INVS: variants seen among roughly 807,000 people sequenced by gnomAD.
INVS encodes the protein inversin.
Under a neutral mutation model 108.8 loss-of-function variants are expected in INVS, and 86 were observed. The ratio of observed to expected loss-of-function variants is 0.79; its 90% CI spans 0.66 to 0.95. INVS has a LOEUF of 0.95. Ranked by LOEUF, INVS falls within the 40% of genes least tolerant of loss-of-function variation. The pLI is 0.00. For synonymous variants in INVS, 455 were observed against 473.5 expected (o/e 0.96, Z 0.51); for missense variants, 1,169 against 1,297.4 (o/e 0.90, Z 1.52).
Position 100,216,358 on chromosome 9 carries a change from G to C in INVS, c.274-9704G>C, listed in dbSNP as rs573058819. ...CTCAGTCTCCTGGAGCTGTCATTGA[G>C]GTTGGACAGCTACTGCCCCCTACTG... On this transcript the variant is annotated intron_variant, in intron 3 of 16. Transcript: ENST00000262457. 7.2e-5 allele frequency among the ~76,000 whole-genome samples: 11 copies of C among 152,278 alleles called. No homozygotes were observed. In the South Asian group the frequency reaches 2.3e-3, roughly 32 times the overall value.
At position 100,270,933 on chromosome 9, in the gene INVS, G is replaced by GA. The variant is rs939991518; in HGVS notation, c.1572-1919dup. 3.6e-3 allele frequency among the ~76,000 whole-genome samples: 449 copies of GA among 123,254 alleles called. 2 individuals are homozygous for GA. The highest frequency in any genetic ancestry group is 0.011 in the African/African-American group (375 of 33,424). 80.9% of individuals were successfully genotyped at this position (123,254 alleles called of 152,430 possible). On this transcript the variant is annotated intron_variant, in intron 11 of 16. Coordinates refer to ENST00000262457, the MANE Select transcript of INVS (RefSeq NM_014425.5). ...AGTGAGACCCTATCTCAAAAAAAAA[G>GA]AAAAAAAAAAAAGAATGTGCCGAAA...
intron 2 of INVS, among the ~76,000 whole-genome samples, chr9:100,111,064 A>G (rs1827324378): frequency 6.6e-6 from 1 of 152,246 alleles, no homozygotes; most frequent in Non-Finnish European, 1.5e-5. Flanking sequence ...TTGTCACTCT[A>G]TAACAATAAG....
Position 100,159,575 on chromosome 9 carries a change from C to T in INVS, c.273+33026C>T, listed in dbSNP as rs984285288. ...CAATTACCTCCTATTTGCTAGAACA[C>T]ACTAACACAAATACATAAAAAATAC... On this transcript the variant is annotated intron_variant, in intron 3 of 16. Transcript: ENST00000262457. Among the ~76,000 whole-genome samples the T allele has an allele frequency of 3.3e-5, 5 of 152,118 alleles. No individual in the cohort carries two copies. In the South Asian group the frequency reaches 8.3e-4, roughly 25 times the overall value.
At chr9:100,142,672 T>A (rs1457162669) in intron 3 of INVS, among the ~76,000 whole-genome samples, 1 of 152,116 alleles carries the variant, frequency 6.6e-6, no homozygotes, top group Non-Finnish European at 1.5e-5. Context: ...GCATCAGGTA[T>A]GAGGAAGAAA....
chr9:100,292,639 C>T lies in INVS; in HGVS notation c.2382C>T (p.Arg794=). ...PKAKCAPQKR[R]TQELRGGRCS... is the part of the protein sequence containing the mutation. ...CCAAATGTGCCCCCCAGAAAAGGCG[C>T]ACTCAAGAGCTCAGAGGAGGAAGGT... Residue 794 remains arginine (R), a synonymous_variant, in exon 14 of 17, where the codon CGC becomes CGT. Coordinates refer to ENST00000262457, the MANE Select transcript of INVS (RefSeq NM_014425.5). 1 of 1,614,188 alleles carries T rather than the reference C, an allele frequency of 6.2e-7. No homozygotes were observed. Among genetic ancestry groups the T allele is most frequent in the Non-Finnish European group, 8.5e-7 (1 of 1,180,036 alleles).
At chr9:100,150,698 T>G (rs898879169) in intron 3 of INVS, among the ~76,000 whole-genome samples, 1 of 152,314 alleles carries the variant, frequency 6.6e-6, no homozygotes, top group African/African-American at 2.4e-5. Context: ...ACCCATAGTT[T>G]ATGACTCATA....
intron 3 of INVS, among the ~76,000 whole-genome samples, chr9:100,161,506 T>C (rs1419100483): frequency 6.6e-6 from 1 of 151,448 alleles, no homozygotes; most frequent in African/African-American, 2.4e-5. Flanking sequence ...TCACGAAAGG[T>C]AGGAAATTGA....
At chr9:100,178,251 A>G (rs1417629728) in intron 3 of INVS, among the ~76,000 whole-genome samples, 1 of 152,196 alleles carries the variant, frequency 6.6e-6, no homozygotes, top group Non-Finnish European at 1.5e-5. Context: ...CCTCACCAGC[A>G]AGGGAACAAA....
intron 3 of INVS, among the ~76,000 whole-genome samples, chr9:100,167,097 GGT>G (rs1411403160): frequency 6.6e-6 from 1 of 152,056 alleles, no homozygotes. Flanking sequence ...CAGATACGGT[GGT>G]GTGTGCCTGT....
At chr9:100,139,004 C>A (rs1828332233) in intron 3 of INVS, among the ~76,000 whole-genome samples, 2 of 152,084 alleles carry the variant, frequency 1.3e-5, no homozygotes, top group East Asian at 1.9e-4. Context: ...CCGCGCCCGG[C>A]CTTATTGATG....
At chr9:100,296,029 AGGAG>A (rs1360888517) in intron 14 of INVS, among the ~76,000 whole-genome samples, 1 of 152,146 alleles carries the variant, frequency 6.6e-6, no homozygotes, top group Non-Finnish European at 1.5e-5. Context: ...CCTTTGGGGA[AGGAG>A]GGAGGGGCTG....
chr9:100,202,601 A>G (rs995155346), intron 3 of INVS, among the ~76,000 whole-genome samples: 1 of 151,808 alleles, frequency 6.6e-6, no homozygotes, highest in African/African-American at 2.4e-5. Flanking sequence ...TTCTTTCCGC[A>G]TATCACTTGT....
At position 100,132,226 on chromosome 9, in the gene INVS, CATGAATGAATGA is replaced by C. The variant is rs10534746; in HGVS notation, c.273+5704_273+5715del. Among the ~76,000 whole-genome samples, 240 of 151,122 alleles carry C rather than the reference CATGAATGAATGA, an allele frequency of 1.6e-3. 1 individual carries two copies. Among genetic ancestry groups the C allele is most frequent in the African/African-American group, 4.7e-3 (193 of 41,218 alleles). On this transcript the variant is annotated intron_variant, in intron 3 of 16. Transcript: ENST00000262457. The stretch of plus-strand genomic sequence containing the variant: ...AAGACAGTAATTTATTTAAGGAATA[CATGAATGAATGA>C]ATGAATGAATGAATGAATGAATGAA...
At chr9:100,186,353 A>G (rs749191155) in intron 3 of INVS, among the ~76,000 whole-genome samples, 6 of 151,976 alleles carry the variant, frequency 3.9e-5, no homozygotes, top group Non-Finnish European at 7.4e-5. Context: ...GGGTTTCACC[A>G]TCTTGGCCAG....
intron 3 of INVS, among the ~76,000 whole-genome samples, chr9:100,184,708 CA>C (rs957627767): frequency 1.3e-5 from 2 of 151,670 alleles, no homozygotes; most frequent in Middle Eastern, 3.4e-3. Flanking sequence ...ACATGGTATA[CA>C]AAAAAATGCA....
intron 3 of INVS, among the ~76,000 whole-genome samples, chr9:100,126,800 C>T (rs1418768628): frequency 6.6e-6 from 1 of 151,886 alleles, no homozygotes; most frequent in Admixed American, 6.6e-5. Flanking sequence ...AAAAAGTGAT[C>T]AAATTTATAT....
intron 3 of INVS, among the ~76,000 whole-genome samples, chr9:100,185,323 C>T (rs1044661960): frequency 1.3e-5 from 2 of 151,570 alleles, no homozygotes; most frequent in Admixed American, 1.3e-4. Flanking sequence ...CCACCACAGT[C>T]AGGACATAAA....
At chr9:100,294,857 T>G (rs1380845079) in intron 14 of INVS, among the ~76,000 whole-genome samples, 1 of 152,198 alleles carries the variant, frequency 6.6e-6, no homozygotes, top group Non-Finnish European at 1.5e-5. Flanking sequence ...CTGTTCAAAC[T>G]AGTTTTACCT....
chr9:100,226,530 C>T (rs534400608), intron 4 of INVS, among the ~76,000 whole-genome samples: 15 of 151,964 alleles, frequency 9.9e-5, no homozygotes, highest in East Asian at 3.9e-4. Context: ...CTAGTCCTGT[C>T]GGCCGGGCGC....
Sources: allele counts gnomAD v4.1 joint callset (sites outside exome capture counted in the v4.1 genomes callset), GRCh38; gene constraint gnomAD v4.1.1; transcripts MANE v1.5; gene names NCBI Gene and HGNC (gene_info 2026-07-23, HGNC 2026-07-21).